The following FGFR2 variants were observed in gnomAD, a reference collection of about 807,000 sequenced individuals.
The protein encoded by FGFR2 is fibroblast growth factor receptor 2.
In FGFR2, 19 loss-of-function variants were observed where a neutral mutation model predicts 95.9. The ratio of observed to expected loss-of-function variants is 0.20; its 90% CI spans 0.14 to 0.29. FGFR2 has a LOEUF of 0.29. Among genes scored for constraint, FGFR2 ranks in the 10% least tolerant of loss-of-function variants. The pLI is 1.00. For synonymous variants in FGFR2, 392 were observed against 393.3 expected (o/e 1.00, Z 0.04); for missense variants, 707 against 1,056.9 (o/e 0.67, Z 4.59).
chr10:121,527,517 G>C (rs1343748948), intron 6 of FGFR2, among the ~76,000 whole-genome samples: 12 of 152,126 alleles, frequency 7.9e-5, no homozygotes, highest in Admixed American at 7.9e-4. Flanking sequence ...CAAATTGAAT[G>C]TACTTAATGT....
chr10:121,487,606 G>A (rs995196814), intron 14 of FGFR2, among the ~76,000 whole-genome samples, 182 bp from the exon 15 acceptor site: 3 of 152,170 alleles, frequency 2.0e-5, no homozygotes, highest in Admixed American at 6.5e-5. Flanking sequence ...GGTCTGGGCC[G>A]TTAATAAAAT....
chr10:121,542,440 C>T (rs1015903575), intron 5 of FGFR2, among the ~76,000 whole-genome samples: 11 of 152,106 alleles, frequency 7.2e-5, no homozygotes, highest in African/African-American at 1.9e-4. Flanking sequence ...ATAGTAGCTA[C>T]CCCCTGCAGA....
At chr10:121,515,716 G>T (rs1849629944) in intron 8 of FGFR2, among the ~76,000 whole-genome samples, 3 of 151,712 alleles carry the variant, frequency 2.0e-5, no homozygotes, top group Non-Finnish European at 1.5e-5. Context: ...GCCCACTTTT[G>T]TTTCTAAGGA....
At chr10:121,569,232 T>C (rs1447224738) in intron 2 of FGFR2, among the ~76,000 whole-genome samples, 5 of 150,658 alleles carry the variant, frequency 3.3e-5, no homozygotes, top group Non-Finnish European at 7.4e-5. Flanking sequence ...TTCTTTTTTT[T>C]TTTTTTGAGA....
intron 2 of FGFR2, among the ~76,000 whole-genome samples, chr10:121,577,463 G>C (rs1016764046): frequency 5.3e-5 from 8 of 152,000 alleles, no homozygotes; most frequent in Non-Finnish European, 7.4e-5. Flanking sequence ...GAGAGAGGAG[G>C]GGGCAGGGCT....
intron 2 of FGFR2, among the ~76,000 whole-genome samples, chr10:121,575,458 A>T (rs1859571457): frequency 6.6e-6 from 1 of 152,182 alleles, no homozygotes; most frequent in Admixed American, 6.5e-5. Context: ...GTCATATTTC[A>T]TGAGTGAAAA....
At chr10:121,546,891 G>C (rs1010212463) in intron 5 of FGFR2, among the ~76,000 whole-genome samples, 3 of 152,176 alleles carry the variant, frequency 2.0e-5, no homozygotes, top group Admixed American at 6.5e-5. Context: ...CTGGAAAAAT[G>C]TATCTTGGAA....
chr10:121,540,943 G>A (rs745495637), intron 5 of FGFR2, among the ~76,000 whole-genome samples: 2 of 152,078 alleles, frequency 1.3e-5, no homozygotes, highest in Non-Finnish European at 2.9e-5. Context: ...TGACTCGGCT[G>A]ACACATTAAA....
In FGFR2 at chr10:121,479,508, G is replaced by T; in HGVS notation, c.*349C>A. The T allele has an allele frequency of 8.2e-7, 1 of 1,225,030 alleles. No homozygotes were observed. The highest frequency in any genetic ancestry group is 1.5e-5 in the African/African-American group (1 of 66,838). The allele number at this position is 1,225,030 out of a possible 1,614,324, so 75.9% of individuals were successfully genotyped here. A position where few individuals can be genotyped will look rare whatever the true frequency, so the allele number is the denominator to read the frequency against. On this transcript the variant is annotated 3_prime_UTR_variant, in exon 18 of 18. Transcript: ENST00000358487. ...TATACTGCATTTGTGCTCTGTAAGT[G>T]TGTGCTGACATAAATCTTCTCCAAT...
Position 121,485,537 on chromosome 10 carries a change from A to C in FGFR2, c.2058-5T>G. On this transcript the variant is annotated splice_polypyrimidine_tract_variant and splice_region_variant and intron_variant, in intron 15 of 17. Transcript: ENST00000358487. This position sits in a 1 kb window ranked among gnomAD's most constrained non-coding sequence, Gnocchi z 4.2. Reference sequence around the variant, plus strand: ...ATTAACACCCCGAAGGACCAGCTGCAACAAAAGGAGAAAGCACGGCATTAC... The same window carrying C: ...ATTAACACCCCGAAGGACCAGCTGCCACAAAAGGAGAAAGCACGGCATTAC... 6.2e-7 allele frequency: 1 copy of C among 1,614,114 alleles called. No individual in the cohort carries two copies.
intron 2 of FGFR2, among the ~76,000 whole-genome samples, chr10:121,586,442 G>A (rs1351030126): frequency 6.6e-6 from 1 of 152,202 alleles, no homozygotes; most frequent in Non-Finnish European, 1.5e-5. Context: ...TAGACAAGGG[G>A]TTAAAGGAAA....
Position 121,551,314 on chromosome 10 carries a change from C to T in FGFR2, c.600G>A (p.Gln200=), listed in dbSNP as rs1255716115. ...CCTTGTAGCCTCCAATGCGATGCTC[C>T]TGCTTAAACTCCTTCCCGTTTTTCA... is the stretch of plus-strand genomic sequence containing the variant. ...RWLKNGKEFK[Q]EHRIGGYKVR... The change falls in exon 5 of 18, where the codon CAG becomes CAA. Residue 200 remains glutamine (Q), a synonymous_variant. Transcript: ENST00000358487. 1.2e-6 allele frequency: 2 copies of T among 1,614,236 alleles called. No individual in the cohort carries two copies. The highest frequency in any genetic ancestry group is 4.5e-5 in the East Asian group (2 of 44,882).
At chr10:121,514,145 C>T (rs1053929479) in intron 9 of FGFR2, among the ~76,000 whole-genome samples, 5 of 152,152 alleles carry the variant, frequency 3.3e-5, no homozygotes, top group East Asian at 1.9e-4. Flanking sequence ...ACAAGCACCC[C>T]GTACATTTTA....
chr10:121,597,640 G>A (rs1037023281), intron 1 of FGFR2, among the ~76,000 whole-genome samples: 1 of 152,266 alleles, frequency 6.6e-6, no homozygotes, highest in Non-Finnish European at 1.5e-5. Flanking sequence ...CCGCCCGTCT[G>A]CTCTGGGGTC....
chr10:121,531,498 T>C lies in FGFR2; in HGVS notation c.748+7094A>G, dbSNP rs548030906. Among the ~76,000 whole-genome samples, 1 of 152,282 alleles carries C rather than the reference T, an allele frequency of 6.6e-6. No homozygotes were observed. The highest frequency in any genetic ancestry group is 2.1e-4 in the South Asian group (1 of 4,826). ...AGGAAAGGACAGGACTGACCCCTCC[T>C]TTCATCAGGATGGGCTCAGGGTGCA... On this transcript the variant is annotated intron_variant, in intron 6 of 17. Coordinates refer to ENST00000358487, the MANE Select transcript of FGFR2 (RefSeq NM_000141.5). This position sits in a 1 kb window ranked among gnomAD's most constrained non-coding sequence, Gnocchi z 4.5.
chr10:121,542,804 C>A (rs1370810835), intron 5 of FGFR2, among the ~76,000 whole-genome samples: 4 of 152,114 alleles, frequency 2.6e-5, no homozygotes, highest in Non-Finnish European at 4.4e-5. Flanking sequence ...TACCTTCATT[C>A]CCCCAAAATG....
At chr10:121,566,226 C>T (rs188329575) in intron 2 of FGFR2, among the ~76,000 whole-genome samples, 4 of 152,312 alleles carry the variant, frequency 2.6e-5, no homozygotes, top group South Asian at 2.1e-4. Flanking sequence ...GATCCCTCTA[C>T]AAGATTTTTT....
chr10:121,503,621 C>A (rs758196541), intron 10 of FGFR2, among the ~76,000 whole-genome samples, 169 bp downstream of exon 10: 1 of 151,810 alleles, frequency 6.6e-6, no homozygotes, highest in African/African-American at 2.4e-5. Context: ...TTTTTAAATC[C>A]ATTTTTTTCT....
intron 4 of FGFR2, among the ~76,000 whole-genome samples, chr10:121,556,294 T>G (rs550076545): frequency 1.3e-5 from 2 of 152,292 alleles, no homozygotes; most frequent in South Asian, 4.2e-4. Context: ...GTGATTTCTT[T>G]TGACCCTGCA....
Sources: gnomAD v4.1 joint callset for allele counts (sites outside exome capture counted in the v4.1 genomes callset) on GRCh38, gnomAD v4.1.1 for gene constraint, Gnocchi (gnomAD v3.1) non-coding constraint, MANE v1.5 for transcripts, NCBI Gene and HGNC (gene_info 2026-07-23, HGNC 2026-07-21) for gene names.